Variants in CTNNA3 observed in about 807,000 individuals in gnomAD.
CTNNA3 encodes the protein catenin alpha-3.
In CTNNA3, 76 loss-of-function variants were observed where a neutral mutation model predicts 95.7. The ratio of observed to expected loss-of-function variants is 0.79; its 90% CI spans 0.66 to 0.96. The LOEUF is 0.96. Among genes scored for constraint, CTNNA3 ranks in the 40% least tolerant of loss-of-function variants. The pLI is 0.00. For missense variants in CTNNA3, 1,191 were observed against 1,089.8 expected, an observed-to-expected ratio of 1.09 and a Z score of -1.31; for synonymous variants, 431 against 374.4, an observed-to-expected ratio of 1.15 and a Z score of -1.74.
In CTNNA3 at chr10:67,482,732, C is replaced by T. The variant is rs547923805; in HGVS notation, c.579+39110G>A. Among the ~76,000 whole-genome samples the T allele has an allele frequency of 2.2e-3, 329 of 152,216 alleles. 2 individuals carry two copies. Among genetic ancestry groups the T allele is most frequent in the African/African-American group, 7.6e-3 (314 of 41,512 alleles). On this transcript the variant is annotated intron_variant, in intron 5 of 17. Coordinates refer to ENST00000433211, the MANE Select transcript of CTNNA3 (RefSeq NM_013266.4). ...GACTTCCTCTTTTCCTAATTGAATACCCTTTATTTCCTTCTCCTGCCTGAT... is the reference window on the plus strand; with the variant it reads ...GACTTCCTCTTTTCCTAATTGAATATCCTTTATTTCCTTCTCCTGCCTGAT...
At chr10:65,948,871 A>G (rs1275286480) in intron 17 of CTNNA3, among the ~76,000 whole-genome samples, 1 of 152,214 alleles carries the variant, frequency 6.6e-6, no homozygotes, top group Non-Finnish European at 1.5e-5. Context: ...ATCAACAAGT[A>G]ATGACAACTC....
chr10:66,394,662 A>G (rs1202685290), intron 11 of CTNNA3, among the ~76,000 whole-genome samples: 2 of 152,026 alleles, frequency 1.3e-5, no homozygotes, highest in African/African-American at 4.8e-5. Context: ...ATATTATGCA[A>G]TAAAACCATT....
intron 2 of CTNNA3, among the ~76,000 whole-genome samples, chr10:67,618,212 CA>C (rs1405734341): frequency 6.6e-6 from 1 of 151,978 alleles, no homozygotes; most frequent in East Asian, 1.9e-4. Flanking sequence ...GGAAGCAAAA[CA>C]AAAAGTAAAA....
At chr10:66,261,917 C>T (rs1156358785) in intron 13 of CTNNA3, among the ~76,000 whole-genome samples, 1 of 151,950 alleles carries the variant, frequency 6.6e-6, no homozygotes, top group Admixed American at 6.6e-5. Flanking sequence ...CACTCCAAAA[C>T]CCTTAAAAAC....
At chr10:66,108,149 C>A (rs779740025) in intron 13 of CTNNA3, among the ~76,000 whole-genome samples, 1 of 152,018 alleles carries the variant, frequency 6.6e-6, no homozygotes, top group Non-Finnish European at 1.5e-5. Flanking sequence ...ATGGAGAGAT[C>A]ACAATTAAAA....
chr10:66,691,348 C>T (rs1847528986), intron 9 of CTNNA3, among the ~76,000 whole-genome samples: 1 of 152,176 alleles, frequency 6.6e-6, no homozygotes, highest in South Asian at 2.1e-4. Flanking sequence ...CATGGAGTCT[C>T]ACTCATTGCT....
At chr10:67,696,724 G>T (rs1473811506), upstream of CTNNA3, among the ~76,000 whole-genome samples, 1 of 151,088 alleles carries the variant, frequency 6.6e-6, no homozygotes, top group Non-Finnish European at 1.5e-5. Flanking sequence ...AAAAAAAAAA[G>T]TCTTCTCCAC....
At chr10:65,981,875 A>T (rs2078326717) in intron 16 of CTNNA3, among the ~76,000 whole-genome samples, 1 of 151,976 alleles carries the variant, frequency 6.6e-6, no homozygotes, top group Admixed American at 6.6e-5. Context: ...TAAATCTAAG[A>T]CCTAAAACCA....
At chr10:67,450,581 A>G (rs920570761) in intron 5 of CTNNA3, among the ~76,000 whole-genome samples, 4 of 152,062 alleles carry the variant, frequency 2.6e-5, no homozygotes, top group African/African-American at 4.8e-5. Context: ...GATAAAGGAT[A>G]AGAACTCATG....
At chr10:66,257,435 C>T (rs2090832894) in intron 13 of CTNNA3, among the ~76,000 whole-genome samples, 1 of 152,164 alleles carries the variant, frequency 6.6e-6, no homozygotes, top group African/African-American at 2.4e-5. Context: ...CTGCCTTGTT[C>T]CATTATTAGG....
rs1287251326 is a variant in CTNNA3, at chr10:66,809,623, A to G, written c.1048-34099T>C. Among the ~76,000 whole-genome samples the G allele has an allele frequency of 2.6e-5, 4 of 152,206 alleles. 1 individual carries two copies. Among genetic ancestry groups the G allele is most frequent in the Admixed American group, 6.5e-5 (1 of 15,286 alleles). On this transcript the variant is annotated intron_variant, in intron 7 of 17. Transcript: ENST00000433211. ...CTTAAGTGATTCACTAGAAATGCTG[A>G]ATGATATAGAATAGTCACGCTGATA... is the stretch of plus-strand genomic sequence containing the variant.
intron 5 of CTNNA3, among the ~76,000 whole-genome samples, chr10:67,423,269 A>G (rs1172626259): frequency 6.6e-6 from 1 of 152,114 alleles, no homozygotes; most frequent in Non-Finnish European, 1.5e-5. Flanking sequence ...TTTTCACTTT[A>G]TCTTTCTCTC....
intron 15 of CTNNA3, among the ~76,000 whole-genome samples, chr10:66,049,642 G>T (rs1177776304): frequency 6.6e-6 from 1 of 152,092 alleles, no homozygotes; most frequent in Non-Finnish European, 1.5e-5. Context: ...GTCTTTTATG[G>T]GAACATGGAT....
intron 7 of CTNNA3, among the ~76,000 whole-genome samples, chr10:66,949,439 T>C (rs1848428126): frequency 6.6e-6 from 1 of 152,082 alleles, no homozygotes; most frequent in Non-Finnish European, 1.5e-5. Context: ...ATGCCTGTAA[T>C]CCCAGCTACT....
chr10:67,011,587 ATGAG>A (rs1265226200), intron 7 of CTNNA3, among the ~76,000 whole-genome samples: 3 of 152,144 alleles, frequency 2.0e-5, no homozygotes, highest in Admixed American at 6.5e-5. Flanking sequence ...GATAATATAA[ATGAG>A]TATTTTTTCC....
At chr10:66,428,178 G>C (rs930237622) in intron 11 of CTNNA3, among the ~76,000 whole-genome samples, 10 of 152,094 alleles carry the variant, frequency 6.6e-5, no homozygotes, top group Non-Finnish European at 1.0e-4. Context: ...AATGGTAAAG[G>C]AATCAATTCA....
At chr10:66,125,875 C>T (rs544002959) in intron 13 of CTNNA3, among the ~76,000 whole-genome samples, 12 of 152,240 alleles carry the variant, frequency 7.9e-5, no homozygotes, top group Middle Eastern at 3.4e-3. Context: ...ATAGGTGAAG[C>T]GCAGGCCTTT....
At chr10:66,469,292 G>A (rs1285995782) in intron 11 of CTNNA3, among the ~76,000 whole-genome samples, 1 of 151,850 alleles carries the variant, frequency 6.6e-6, no homozygotes, top group Non-Finnish European at 1.5e-5. Context: ...TATTTGAAAA[G>A]CTTGAGATAT....
chr10:66,567,572 T>C (rs1842750969), intron 10 of CTNNA3, among the ~76,000 whole-genome samples: 1 of 152,014 alleles, frequency 6.6e-6, no homozygotes, highest in Non-Finnish European at 1.5e-5. Context: ...TGAATCATTA[T>C]TGCATCTCTG....
Sources: allele counts gnomAD v4.1 joint callset (sites outside exome capture counted in the v4.1 genomes callset), GRCh38; gene constraint gnomAD v4.1.1; transcripts MANE v1.5; gene names NCBI Gene and HGNC (gene_info 2026-07-23, HGNC 2026-07-21).